The following TMTC4 variants were observed in gnomAD, a reference collection of about 807,000 sequenced individuals.
TMTC4 encodes protein O-mannosyl-transferase TMTC4.
In TMTC4, 65 loss-of-function variants were observed where a neutral mutation model predicts 86.0. The observed-to-expected ratio is 0.76, with a 90% CI of 0.62 to 0.93. The LOEUF (loss-of-function observed/expected upper bound fraction) is 0.93, where lower values mean the gene tolerates loss of function less well. Among genes scored for constraint, TMTC4 ranks in the 40% least tolerant of loss-of-function variants. The probability of loss-of-function intolerance (pLI) is 0.00; values close to 1 mark genes in which losing one functional copy is unlikely to be tolerated. For synonymous variants in TMTC4, 379 were observed against 382.5 expected, an observed-to-expected ratio of 0.99 and a Z score of 0.11; for missense variants, 866 against 948.1, an observed-to-expected ratio of 0.91 and a Z score of 1.14.
intron 12 of TMTC4, among the ~76,000 whole-genome samples, chr13:100,631,176 A>C (rs565513703): frequency 6.6e-6 from 1 of 152,360 alleles, no homozygotes; most frequent in East Asian, 1.9e-4. Flanking sequence ...ATGAACTAGC[A>C]CAGAAGTCGA....
Position 100,674,755 on chromosome 13 carries a change from C to T in TMTC4, c.-219G>A. The stretch of plus-strand genomic sequence containing the variant: ...GCCCCGCGCGTTACCTGCAAGGAGC[C>T]TGAGCCCCGGCCGCATCTCCCTCCC... On this transcript the variant is annotated 5_prime_UTR_variant, in exon 1 of 19. Coordinates refer to ENST00000342624, the MANE Select transcript of TMTC4 (RefSeq NM_032813.5). 1 of 983,800 alleles carries T rather than the reference C, an allele frequency of 1.0e-6. No individual in the cohort carries two copies. The highest frequency in any genetic ancestry group is 1.2e-6 in the Non-Finnish European group (1 of 829,280). The allele number at this position is 983,800 out of a possible 1,614,324, so 60.9% of individuals were successfully genotyped here.
At position 100,642,192 on chromosome 13, in the gene TMTC4, G is replaced by A. The variant is rs777371307; in HGVS notation, c.741+19C>T. 1.2e-6 allele frequency: 2 copies of A among 1,613,072 alleles called. No homozygotes were observed. Among genetic ancestry groups the A allele is most frequent in the South Asian group, 2.2e-5 (2 of 91,026 alleles). ...GGACACACAGAAAAAGCAGGCCCCAGCCATGTTGCGGCTCTCACCAGCACA... is the reference window on the plus strand; with the variant it reads ...GGACACACAGAAAAAGCAGGCCCCAACCATGTTGCGGCTCTCACCAGCACA... On this transcript the variant is annotated intron_variant, in intron 7 of 18. Transcript: ENST00000342624.
At chr13:100,662,398 C>A (rs1226975354) in intron 5 of TMTC4, among the ~76,000 whole-genome samples, 1 of 151,968 alleles carries the variant, frequency 6.6e-6, no homozygotes, top group Non-Finnish European at 1.5e-5. Context: ...ACTTGCTCCT[C>A]ACCCTGGATA....
chr13:100,618,804 G>C (rs1257016712), intron 15 of TMTC4, among the ~76,000 whole-genome samples: 1 of 152,188 alleles, frequency 6.6e-6, no homozygotes, highest in Non-Finnish European at 1.5e-5. Flanking sequence ...ACAGGGTTGG[G>C]GGTAAGGTCA....
chr13:100,673,917 C>T (rs1594401030), intron 1 of TMTC4: 3 of 524,704 alleles, frequency 5.7e-6, no homozygotes, highest in East Asian at 1.5e-4. Flanking sequence ...GACATTCTCC[C>T]CATGCATTTA....
chr13:100,612,895 A>T (rs910236742), intron 16 of TMTC4, among the ~76,000 whole-genome samples: 18 of 152,222 alleles, frequency 1.2e-4, no homozygotes, highest in Non-Finnish European at 2.2e-4. Flanking sequence ...TGAAGTATAC[A>T]TTCTATATTT....
Position 100,634,919 on chromosome 13 carries a change from G to C in TMTC4, c.1392C>G (p.Val464=), listed in dbSNP as rs761524421. Reference sequence around the variant, plus strand: ...TGTTGATGAATAAGATTCCCAGCACGACAGCGGCAATGAGTTTCTTAAGAA... The same window carrying C: ...TGTTGATGAATAAGATTCCCAGCACCACAGCGGCAATGAGTTTCTTAAGAA... ...HTKKKKLIAA[V]VLGILFINTL... The change falls in exon 12 of 19, where the codon GTC becomes GTG. Residue 464 remains valine (V), a synonymous_variant. Transcript: ENST00000342624. The C allele has an allele frequency of 6.2e-7, 1 of 1,614,026 alleles. No individual in the cohort carries two copies. Among genetic ancestry groups the C allele is most frequent in the Non-Finnish European group, 8.5e-7 (1 of 1,179,992 alleles).
At chr13:100,666,565 G>A (rs957827463) in intron 3 of TMTC4, among the ~76,000 whole-genome samples, 15 of 152,282 alleles carry the variant, frequency 9.9e-5, no homozygotes, top group Admixed American at 9.8e-4. Flanking sequence ...TTTCAACATG[G>A]TTTCTGAATT....
rs1046054631 is a variant in TMTC4 at position 100,666,901 on chromosome 13, G to A, written c.219+1678C>T. Among the ~76,000 whole-genome samples the A allele has an allele frequency of 1.8e-4, 28 of 152,062 alleles. No homozygotes were observed. The South Asian group carries it at 5.8e-3, about 32-fold the overall frequency. Reference sequence around the variant, plus strand: ...GCTACTCGGGAGGCTAAGATGGGAGGATGGCTTGAGCCCAGGCATCGGAGG... The same window carrying A: ...GCTACTCGGGAGGCTAAGATGGGAGAATGGCTTGAGCCCAGGCATCGGAGG... On this transcript the variant is annotated intron_variant, in intron 3 of 18. Coordinates refer to ENST00000342624, the MANE Select transcript of TMTC4 (RefSeq NM_032813.5).
intron 12 of TMTC4, among the ~76,000 whole-genome samples, chr13:100,631,798 T>C (rs1881401155): frequency 6.6e-6 from 1 of 152,158 alleles, no homozygotes; most frequent in Non-Finnish European, 1.5e-5. Context: ...AGTGTCTTCC[T>C]AAGTGAGATT....
In TMTC4 at chr13:100,605,990, A is replaced by G. The variant is rs1876523708; in HGVS notation, c.2134+368T>C. Among the ~76,000 whole-genome samples the G allele has an allele frequency of 6.6e-6, 1 of 152,184 alleles. No homozygotes were observed. Among genetic ancestry groups the G allele is most frequent in the Admixed American group, 6.5e-5 (1 of 15,270 alleles). ...GTCTACTCTGTAAGAAGGAAGGAAAAGGAGGTAAGTTCAATGGCAAGCTTC... is the reference window on the plus strand; with the variant it reads ...GTCTACTCTGTAAGAAGGAAGGAAAGGGAGGTAAGTTCAATGGCAAGCTTC... On this transcript the variant is annotated intron_variant, in intron 18 of 18. Transcript: ENST00000342624. The surrounding 1 kb of genome is among the most constrained non-coding windows in gnomAD (Gnocchi z 4.3).
chr13:100,652,239 G>C (rs1313664458), intron 6 of TMTC4, among the ~76,000 whole-genome samples: 1 of 152,186 alleles, frequency 6.6e-6, no homozygotes, highest in Non-Finnish European at 1.5e-5. Context: ...AGCACTTTGG[G>C]AGGCCGAGGT....
rs1434841043 is a variant in TMTC4 at position 100,637,605 on chromosome 13, C to G, written c.932G>C (p.Gly311Ala). 1.2e-6 allele frequency: 2 copies of G among 1,614,060 alleles called. No individual in the cohort carries two copies. Among genetic ancestry groups the G allele is most frequent in the African/African-American group, 1.3e-5 (1 of 74,936 alleles). The stretch of plus-strand genomic sequence containing the variant: ...CTCGGTGAAGGCCGGCGGGCCCGTG[C>G]CCATGATCCTCCAGCGCACGTAGAG... ...GMLYVRWRIMGTGPPAFTEVD... is the reference protein window; with the variant it reads ...GMLYVRWRIMATGPPAFTEVD... The change falls in exon 9 of 19, where the codon GGC becomes GCC. Residue 311 changes from glycine (G) to alanine (A), a missense_variant. Coordinates refer to ENST00000342624, the MANE Select transcript of TMTC4 (RefSeq NM_032813.5).
At chr13:100,621,132 G>C (rs1322082787) in intron 15 of TMTC4, among the ~76,000 whole-genome samples, 1 of 152,252 alleles carries the variant, frequency 6.6e-6, no homozygotes, top group Non-Finnish European at 1.5e-5. Context: ...CCAAGTGAAA[G>C]TGTAATGAAT....
chr13:100,634,699 T>C (rs979990507), intron 12 of TMTC4, 106 bp downstream of exon 12: 3 of 1,347,278 alleles, frequency 2.2e-6, no homozygotes, highest in Middle Eastern at 2.3e-4. Context: ...TATTCGGTCA[T>C]GGTCTTACAC....
intron 15 of TMTC4, chr13:100,625,253 T>C (rs1399430917): frequency 2.5e-6 from 1 of 397,120 alleles, no homozygotes. Context: ...GAGTGCTGTT[T>C]TACAGGGCGG....
rs570003407 is a variant in TMTC4, at chr13:100,656,603, T to C, written c.553-135A>G. 33 of 622,590 alleles carry C rather than the reference T, an allele frequency of 5.3e-5. No homozygotes were observed. The East Asian group carries it at 9.8e-4, about 19-fold the overall frequency. The allele number at this position is 622,590 out of a possible 1,614,324, so 38.6% of individuals were successfully genotyped here. On this transcript the variant is annotated intron_variant, in intron 5 of 18. Transcript: ENST00000342624. ...TGCCACCCAGGCTGGAGTGCAGCAG[T>C]GTGATCTTGGCTCACTGTAGCCTCA...
Position 100,605,023 on chromosome 13 carries a change from G to C in TMTC4, c.2254C>G (p.Leu752Val). Residue 752 changes from leucine to valine, a missense_variant, in exon 19 of 19, where the codon CTA becomes GTA. By Grantham distance (32) the Leu-to-Val change is conservative. Coordinates refer to ENST00000342624, the MANE Select transcript of TMTC4 (RefSeq NM_032813.5). The surrounding 1 kb of genome is among the most constrained non-coding windows in gnomAD (Gnocchi z 4.3). ...KENYGLLRRK[L>V]ELMQKKAV The stretch of plus-strand genomic sequence containing the variant: ...ACAGCTTTCTTTTGCATTAGTTCTA[G>C]CTTTCTTCTCAGCAGACCGTAATTC... 2 of 1,613,900 alleles carry C rather than the reference G, an allele frequency of 1.2e-6. No individual in the cohort carries two copies.
At chr13:100,672,108 A>G (rs977831575) in intron 1 of TMTC4, among the ~76,000 whole-genome samples, 4 of 152,314 alleles carry the variant, frequency 2.6e-5, no homozygotes, top group African/African-American at 9.6e-5. Flanking sequence ...ATGTATGCAA[A>G]CAACTAGTTC....
Sources: gnomAD v4.1 joint callset for allele counts (sites outside exome capture counted in the v4.1 genomes callset) on GRCh38, gnomAD v4.1.1 for gene constraint, Gnocchi (gnomAD v3.1) non-coding constraint, MANE v1.5 for transcripts, NCBI Gene and HGNC (gene_info 2026-07-23, HGNC 2026-07-21) for gene names.